Variants in ARMH3 observed in about 807,000 individuals in gnomAD.
The protein encoded by ARMH3 is armadillo like helical domain containing 3.
ARMH3 carries 60 observed loss-of-function variants against 99.1 expected under a neutral mutation model. The observed-to-expected ratio is 0.61, with a 90% CI of 0.49 to 0.75. The LOEUF is 0.75. Ranked by LOEUF, ARMH3 falls within the 30% of genes least tolerant of loss-of-function variation. The pLI is 0.00. For synonymous variants in ARMH3, 285 were observed against 292.8 expected, an observed-to-expected ratio of 0.97 and a Z score of 0.27; for missense variants, 679 against 843.1, an observed-to-expected ratio of 0.81 and a Z score of 2.41.
intron 23 of ARMH3, among the ~76,000 whole-genome samples, chr10:101,924,529 T>C (rs1349688687): frequency 1.3e-5 from 2 of 151,704 alleles, no homozygotes; most frequent in African/African-American, 4.8e-5. Context: ...GCCTGGCTTT[T>C]TTTTTTTAGT....
chr10:102,013,610 T>C (rs1419280710), intron 9 of ARMH3, among the ~76,000 whole-genome samples: 1 of 152,244 alleles, frequency 6.6e-6, no homozygotes, highest in African/African-American at 2.4e-5. Context: ...AAATACTATC[T>C]GGCTAGTTCT....
intron 19 of ARMH3, among the ~76,000 whole-genome samples, chr10:101,989,996 G>C (rs982010567): frequency 5.9e-5 from 9 of 152,276 alleles, no homozygotes; most frequent in Admixed American, 5.9e-4. Context: ...ATATTCATGT[G>C]TCGGCTCCCT....
chr10:101,934,688 T>A (rs928402599), intron 23 of ARMH3, among the ~76,000 whole-genome samples: 2 of 152,156 alleles, frequency 1.3e-5, no homozygotes, highest in African/African-American at 4.8e-5. Context: ...AAAATGCTCA[T>A]TAAGTGAAAA....
intron 5 of ARMH3, among the ~76,000 whole-genome samples, chr10:102,027,278 C>CAAAAA (rs1228063848): frequency 1.1e-4 from 6 of 56,498 alleles, no homozygotes; most frequent in African/African-American, 1.8e-4. Context: ...GATTCCGTCT[C>CAAAAA]AAAAAAAAAA....
At chr10:101,909,347 T>C (rs1189505964) in intron 23 of ARMH3, among the ~76,000 whole-genome samples, 1 of 146,558 alleles carries the variant, frequency 6.8e-6, no homozygotes, top group Non-Finnish European at 1.5e-5. Flanking sequence ...GCAGAGGTTG[T>C]AGTAAGCCGA....
chr10:102,029,318 G>C, intron 5 of ARMH3: 1 of 902,304 alleles, frequency 1.1e-6, no homozygotes, highest in South Asian at 1.9e-5. Flanking sequence ...TAGAATTAAA[G>C]TTACCCTTGT....
chr10:101,976,058 A>T, intron 19 of ARMH3, among the ~76,000 whole-genome samples: 1 of 119,692 alleles, frequency 8.4e-6, no homozygotes, highest in Non-Finnish European at 1.9e-5. Flanking sequence ...CGGGGAGGGC[A>T]GGGGGGTGGC....
chr10:102,019,789 G>A lies in ARMH3; in HGVS notation c.669+3688C>T, dbSNP rs1027731994. Among the ~76,000 whole-genome samples the A allele has an allele frequency of 2.0e-5, 3 of 151,902 alleles. No individual in the cohort carries two copies. In the East Asian group the frequency reaches 5.8e-4, roughly 29 times the overall value. ...AAAAATACAAAAAAATTAGCCGGGC[G>A]TGGTGGCAGGCACTTGTAATCCCAG... On this transcript the variant is annotated intron_variant, in intron 8 of 25. Coordinates refer to ENST00000370033, the MANE Select transcript of ARMH3 (RefSeq NM_024541.3).
chr10:101,983,886 G>A (rs1351450873), intron 19 of ARMH3, among the ~76,000 whole-genome samples: 1 of 152,194 alleles, frequency 6.6e-6, no homozygotes, highest in Non-Finnish European at 1.5e-5. Context: ...GAGGTTGTAG[G>A]AACCCCAATT....
chr10:102,014,122 C>A (rs1338892119), intron 8 of ARMH3, 98 bp from the exon 9 acceptor site: 2 of 885,000 alleles, frequency 2.3e-6, no homozygotes, highest in Non-Finnish European at 1.8e-6. Context: ...CCATAAGGCC[C>A]TCTCTCTACA....
intron 23 of ARMH3, among the ~76,000 whole-genome samples, chr10:101,935,138 C>T (rs1296948466): frequency 6.8e-6 from 1 of 146,062 alleles, no homozygotes; most frequent in Non-Finnish European, 1.5e-5. Flanking sequence ...GCTGAAGCAA[C>T]AATTACACCA....
intron 23 of ARMH3, among the ~76,000 whole-genome samples, chr10:101,893,521 T>C (rs2067743851): frequency 6.6e-6 from 1 of 152,084 alleles, no homozygotes; most frequent in African/African-American, 2.4e-5. Context: ...CTGGGTGGAA[T>C]GTTAGCAGCC....
intron 23 of ARMH3, among the ~76,000 whole-genome samples, chr10:101,899,006 G>A (rs918161268): frequency 6.6e-6 from 1 of 152,110 alleles, no homozygotes; most frequent in East Asian, 1.9e-4. Context: ...TTGCTTCCCC[G>A]AACAACATGG....
intron 10 of ARMH3, among the ~76,000 whole-genome samples, chr10:102,012,528 T>C (rs796804611): frequency 3.2e-4 from 49 of 152,330 alleles, no homozygotes; most frequent in African/African-American, 1.1e-3. Context: ...CTGGACTAAA[T>C]GGAAGTGCCC....
intron 23 of ARMH3, among the ~76,000 whole-genome samples, chr10:101,938,722 T>A (rs1340575829): frequency 1.3e-5 from 2 of 152,210 alleles, no homozygotes; most frequent in Admixed American, 6.5e-5. Flanking sequence ...ATCGCATTTA[T>A]CGTAAGGCCT....
chr10:101,849,133 C>T (rs1247560341), intron 25 of ARMH3, among the ~76,000 whole-genome samples: 1 of 152,186 alleles, frequency 6.6e-6, no homozygotes, highest in Non-Finnish European at 1.5e-5. Flanking sequence ...GTCCTGGTCT[C>T]AGTCCCCAGC....
intron 23 of ARMH3, among the ~76,000 whole-genome samples, chr10:101,900,751 G>T (rs568625715): frequency 6.6e-6 from 1 of 152,210 alleles, no homozygotes; most frequent in Non-Finnish European, 1.5e-5. Flanking sequence ...GGACGCCCAG[G>T]TGGGAGAACT....
chr10:101,936,019 A>T (rs1042443868), intron 23 of ARMH3, among the ~76,000 whole-genome samples: 7 of 152,132 alleles, frequency 4.6e-5, no homozygotes, highest in African/African-American at 1.7e-4. Flanking sequence ...GGCAGCACTC[A>T]TTACCATTGG....
At chr10:101,979,984 A>G (rs1367930017) in intron 19 of ARMH3, among the ~76,000 whole-genome samples, 1 of 152,198 alleles carries the variant, frequency 6.6e-6, no homozygotes, top group East Asian at 1.9e-4. Context: ...TCACTTTGTC[A>G]TATCCTCGCT....
Sources: allele counts gnomAD v4.1 joint callset (sites outside exome capture counted in the v4.1 genomes callset), GRCh38; gene constraint gnomAD v4.1.1; transcripts MANE v1.5; gene names NCBI Gene and HGNC (gene_info 2026-07-23, HGNC 2026-07-21).